The following MYO1B variants were observed in gnomAD, a reference collection of about 807,000 sequenced individuals.
MYO1B encodes myosin IB.
In MYO1B, 72 loss-of-function variants were observed where a neutral mutation model predicts 159.7. That is an observed-to-expected ratio of 0.45 (90% CI 0.37 to 0.55). The LOEUF (loss-of-function observed/expected upper bound fraction) is 0.55, where lower values mean the gene tolerates loss of function less well. Ranked by LOEUF, MYO1B falls within the 20% of genes least tolerant of loss-of-function variation. The probability of loss-of-function intolerance (pLI) is 0.00; values close to 1 mark genes in which losing one functional copy is unlikely to be tolerated. For synonymous variants in MYO1B, 468 were observed against 473.8 expected, an observed-to-expected ratio of 0.99 and a Z score of 0.16; for missense variants, 1,062 against 1,364.8, an observed-to-expected ratio of 0.78 and a Z score of 3.50.
At chr2:191,364,463 A>G (rs1369232589) in intron 11 of MYO1B, among the ~76,000 whole-genome samples, 187 bp downstream of exon 11, 3 of 152,222 alleles carry the variant, frequency 2.0e-5, no homozygotes, top group African/African-American at 7.2e-5. Flanking sequence ...ATTCTGGTAG[A>G]GGGAATTAGA....
At chr2:191,258,656 G>C (rs1686604764) in intron 1 of MYO1B, among the ~76,000 whole-genome samples, 1 of 152,172 alleles carries the variant, frequency 6.6e-6, no homozygotes, top group African/African-American at 2.4e-5. Context: ...GGTTATAGCT[G>C]CTTATTTGCT....
chr2:191,387,660 G>A (rs1695475171), intron 17 of MYO1B: 7 of 596,666 alleles, frequency 1.2e-5, no homozygotes, highest in South Asian at 2.0e-5. Flanking sequence ...AAGTGTGGTG[G>A]AGAAGATAGT....
intron 13 of MYO1B, 88 bp downstream of exon 13, chr2:191,370,380 CTG>C (rs745592700): frequency 2.3e-6 from 2 of 883,090 alleles, no homozygotes; most frequent in Non-Finnish European, 3.7e-6. Flanking sequence ...TTATAAGTAA[CTG>C]TAACTTTGAA....
intron 18 of MYO1B, 32 bp downstream of exon 18, chr2:191,390,524 A>C (rs56314410): frequency 2.5e-5 from 40 of 1,596,952 alleles, no homozygotes; most frequent in Admixed American, 5.1e-5. Context: ...TTTAATAATG[A>C]ATGTTTTAAG....
rs533572525 is a variant in MYO1B, at chr2:191,251,169, A to AC, written c.-10+5548dup. ...GACTGAATAGCCAGTCCCTTTTCTT[A>AC]CCCCCTTGCTGGCCATGCCTTTATC... On this transcript the variant is annotated intron_variant, in intron 1 of 30. Coordinates refer to ENST00000392318, the MANE Select transcript of MYO1B (RefSeq NM_001130158.3). Among the ~76,000 whole-genome samples the AC allele has an allele frequency of 2.9e-3, 444 of 151,794 alleles. 1 individual carries two copies. Among genetic ancestry groups the AC allele is most frequent in the Non-Finnish European group, 3.7e-3 (248 of 67,936 alleles).
chr2:191,301,235 A>G (rs1487820117), intron 3 of MYO1B, among the ~76,000 whole-genome samples: 1 of 148,046 alleles, frequency 6.8e-6, no homozygotes, highest in Non-Finnish European at 1.5e-5. Flanking sequence ...TTTGAAAATA[A>G]GGAAGGTAAA....
At chr2:191,344,877 CCA>C (rs1303649812) in intron 5 of MYO1B, among the ~76,000 whole-genome samples, 2 of 151,094 alleles carry the variant, frequency 1.3e-5, no homozygotes, top group Admixed American at 1.3e-4. Flanking sequence ...AAAAGCCACT[CCA>C]CACAAAATAT....
chr2:191,282,180 T>C (rs181152458), intron 2 of MYO1B, among the ~76,000 whole-genome samples: 3 of 152,042 alleles, frequency 2.0e-5, no homozygotes, highest in Admixed American at 6.5e-5. Context: ...GTAGATGGAG[T>C]AGTAGTTTTC....
chr2:191,293,043 C>T (rs1385710414), intron 2 of MYO1B, among the ~76,000 whole-genome samples: 1 of 152,216 alleles, frequency 6.6e-6, no homozygotes, highest in Non-Finnish European at 1.5e-5. Context: ...TAGCTCTCCA[C>T]AGGACCTCTC....
chr2:191,329,695 CATT>C (rs1238958898), intron 3 of MYO1B, among the ~76,000 whole-genome samples: 6 of 148,660 alleles, frequency 4.0e-5, no homozygotes, highest in East Asian at 2.0e-4. Flanking sequence ...TAAAGCATAT[CATT>C]AGAGTACAAT....
chr2:191,370,978 T>C (rs1383712729), intron 13 of MYO1B: 1 of 152,224 alleles, frequency 6.6e-6, no homozygotes, highest in Non-Finnish European at 1.5e-5. Flanking sequence ...ATTAGAATGA[T>C]ATAGAGAAGA....
At chr2:191,410,728 A>C (rs974808421) in intron 26 of MYO1B, among the ~76,000 whole-genome samples, 3 of 152,102 alleles carry the variant, frequency 2.0e-5, no homozygotes, top group Non-Finnish European at 4.4e-5. Flanking sequence ...CAATATTTTT[A>C]CTGTGAGTCT....
At chr2:191,302,027 G>A (rs1574378535) in intron 3 of MYO1B, among the ~76,000 whole-genome samples, 2 of 152,132 alleles carry the variant, frequency 1.3e-5, no homozygotes, top group Middle Eastern at 3.2e-3. Flanking sequence ...ACTCTCCTTT[G>A]TGGAATCTCC....
intron 13 of MYO1B, among the ~76,000 whole-genome samples, chr2:191,373,824 C>T (rs1694530455): frequency 6.6e-6 from 1 of 152,166 alleles, no homozygotes; most frequent in East Asian, 1.9e-4. Context: ...CTTCTACATG[C>T]AGTAAATAAT....
rs143548990 is a variant in MYO1B at position 191,402,910 on chromosome 2, T to A, written c.2556+192T>A. Among the ~76,000 whole-genome samples the A allele has an allele frequency of 2.7e-3, 406 of 152,358 alleles. 3 individuals are homozygous for A. The highest frequency in any genetic ancestry group is 9.3e-3 in the African/African-American group (385 of 41,584). On this transcript the variant is annotated intron_variant, in intron 24 of 30. Transcript: ENST00000392318. ...TTTTTCTGATTTTGTGATTTCTATT[T>A]CTTTAAATAATAGGTTTAATGTAAT... is the stretch of plus-strand genomic sequence containing the variant.
chr2:191,296,901 C>T (rs764478930), intron 3 of MYO1B, among the ~76,000 whole-genome samples: 40 of 152,170 alleles, frequency 2.6e-4, no homozygotes, highest in Non-Finnish European at 5.4e-4. Flanking sequence ...TGAAACATAA[C>T]ACTGGAAAAG....
At chr2:191,281,332 G>A (rs1304600179) in intron 2 of MYO1B, among the ~76,000 whole-genome samples, 1 of 152,098 alleles carries the variant, frequency 6.6e-6, no homozygotes, top group Non-Finnish European at 1.5e-5. Context: ...ATGAGATGGG[G>A]GAAATGCTGA....
chr2:191,396,381 T>TA, intron 20 of MYO1B, 48 bp from the exon 21 acceptor site: 2 of 1,575,386 alleles, frequency 1.3e-6, no homozygotes, highest in Non-Finnish European at 1.7e-6. Context: ...TTGTATGCGT[T>TA]ACAGATATTA....
chr2:191,256,173 G>C (rs1472723664), intron 1 of MYO1B, among the ~76,000 whole-genome samples: 1 of 152,206 alleles, frequency 6.6e-6, no homozygotes, highest in Non-Finnish European at 1.5e-5. Context: ...CCTCTGTATA[G>C]TGAAAAGCTA....
Sources: allele counts gnomAD v4.1 joint callset (sites outside exome capture counted in the v4.1 genomes callset), GRCh38; gene constraint gnomAD v4.1.1; transcripts MANE v1.5; gene names NCBI Gene and HGNC (gene_info 2026-07-23, HGNC 2026-07-21).